CARMIL3: variants seen among roughly 807,000 people sequenced by gnomAD.
CARMIL3 encodes capping protein, Arp2/3 and myosin-I linker protein 3.
A neutral mutation model predicts 180.8 loss-of-function variants in CARMIL3; 88 were observed. The ratio of observed to expected loss-of-function variants is 0.49; its 90% confidence interval spans 0.41 to 0.58. The LOEUF is 0.58. Among genes scored for constraint, CARMIL3 ranks in the 20% least tolerant of loss-of-function variants. CARMIL3 has a pLI of 0.00. For synonymous variants in CARMIL3, 696 were observed against 714.5 expected (o/e 0.97, Z 0.41); for missense variants, 1,548 against 1,787.0 (o/e 0.87, Z 2.41).
rs749485473 is a variant in CARMIL3 at position 24,055,745 on chromosome 14, G to A, written c.726G>A (p.Ser242=). 29 of 1,613,962 alleles carry A rather than the reference G, an allele frequency of 1.8e-5. No individual in the cohort carries two copies. The highest frequency in any genetic ancestry group is 5.0e-5 in the Admixed American group (3 of 60,002). The change falls in exon 10 of 40, where the codon TCG becomes TCA. Residue 242 remains serine, a synonymous_variant. Transcript: ENST00000342740. The part of the protein sequence containing the change: ...LEQVLHTLSK[S]GSLEELVLDN... ...AGGTGCTACATACCCTAAGCAAGTC[G>A]GGGAGCCTCGAAGAGCTGGTGCTGG...
chr14:24,069,078 A>G, intron 38 of CARMIL3, 59 bp from the exon 39 acceptor site: 2 of 1,604,170 alleles, frequency 1.2e-6, no homozygotes, highest in Non-Finnish European at 1.7e-6. Context: ...CACAGCCTGG[A>G]TGAGCATCCC....
chr14:24,057,117 C>T (rs374081744), intron 13 of CARMIL3, 50 bp from the exon 14 acceptor site: 33 of 1,598,966 alleles, frequency 2.1e-5, no homozygotes, highest in South Asian at 1.4e-4. Flanking sequence ...CTGGGGGTGG[C>T]GAGACTCCAT....
intron 31 of CARMIL3, among the ~76,000 whole-genome samples, 143 bp from the exon 32 acceptor site, chr14:24,064,093 CAAAAAAAAAA>C (rs564964326): frequency 3.1e-5 from 2 of 64,180 alleles, no homozygotes; most frequent in Non-Finnish European, 6.3e-5. Flanking sequence ...GACTCCGTCT[CAAAAAAAAAA>C]AAAAAAAAGA....
At position 24,054,640 on chromosome 14, in the gene CARMIL3, A is replaced by C; in HGVS notation, c.363-71A>C. ...CCACTCCTGGTTTTTCCTGGGATGC[A>C]GGAGCTATAACGTGGGAAGAACTGA... On this transcript the variant is annotated intron_variant, in intron 5 of 39. Transcript: ENST00000342740. This position sits in a 1 kb window ranked among gnomAD's most constrained non-coding sequence, Gnocchi z 5.1. 6.5e-7 allele frequency: 1 copy of C among 1,529,106 alleles called. No individual in the cohort carries two copies. Among genetic ancestry groups the C allele is most frequent in the Non-Finnish European group, 9.0e-7 (1 of 1,113,122 alleles). The allele number at this position is 1,529,106 out of a possible 1,614,324, so 94.7% of individuals were successfully genotyped here.
Position 24,068,831 on chromosome 14 carries a change from G to A in CARMIL3, c.3847G>A (p.Val1283Met), listed in dbSNP as rs570686865. Residue 1283 changes from valine (V) to methionine (M), a missense_variant, in exon 38 of 40, where the codon GTG (valine) becomes ATG (methionine). Val to Met is a conservative substitution (Grantham distance 21, BLOSUM62 1). Around this residue, in one of 4 missense-constraint regions of CARMIL3, gnomAD observed 668 missense variants for 687.8 expected, o/e 0.97. Coordinates refer to ENST00000342740, the MANE Select transcript of CARMIL3 (RefSeq NM_138360.4). ...TCCATGGCCTCCCAAGCCAGTGGCT[G>A]TGCCCAGGGGCCGCCAGCCTCCCCA... is the stretch of plus-strand genomic sequence containing the variant. ...LAPWPPKPVAVPRGRQPPQEP... is the reference protein window; with the variant it reads ...LAPWPPKPVAMPRGRQPPQEP... 125 of 1,613,756 alleles carry A rather than the reference G, an allele frequency of 7.7e-5. No homozygotes were observed. In the Middle Eastern group the frequency reaches 1.2e-3, roughly 15 times the overall value.
chr14:24,053,066 A>G (rs1025551444), intron 1 of CARMIL3, among the ~76,000 whole-genome samples: 7 of 151,834 alleles, frequency 4.6e-5, no homozygotes, highest in African/African-American at 1.7e-4. Flanking sequence ...GCGCGTGCAC[A>G]CACACACACA....
Position 24,069,451 on chromosome 14 carries a change from G to A in CARMIL3, c.*47G>A. 6.2e-7 allele frequency: 1 copy of A among 1,613,304 alleles called. No individual in the cohort carries two copies. The highest frequency in any genetic ancestry group is 8.5e-7 in the Non-Finnish European group (1 of 1,179,572). The stretch of plus-strand genomic sequence containing the variant: ...CAGCCCTCGACATGTGCCTCGCAAG[G>A]ACTCAGACCCCTATCCACCCCCAGT... On this transcript the variant is annotated 3_prime_UTR_variant, in exon 40 of 40. Coordinates refer to ENST00000342740, the MANE Select transcript of CARMIL3 (RefSeq NM_138360.4).
Position 24,068,579 on chromosome 14 carries a change from C to A in CARMIL3, c.3683-5C>A. The A allele has an allele frequency of 1.2e-6, 2 of 1,602,116 alleles. No homozygotes were observed. The highest frequency in any genetic ancestry group is 1.7e-6 in the Non-Finnish European group (2 of 1,172,132). On this transcript the variant is annotated splice_region_variant and splice_polypyrimidine_tract_variant and intron_variant, in intron 36 of 39. Transcript: ENST00000342740. ...CCTGCAGCTTCTCCTCTCTCTCATC[C>A]CCAGCTGAAGAGAGTGCCCCCAACC...
chr14:24,066,431 G>T lies in CARMIL3; in HGVS notation c.3559G>T (p.Ala1187Ser). The T allele has an allele frequency of 3.1e-6, 5 of 1,614,204 alleles. No homozygotes were observed. The highest frequency in any genetic ancestry group is 4.2e-6 in the Non-Finnish European group (5 of 1,180,044). The change falls in exon 35 of 40, where the codon GCC (alanine) becomes TCC (serine). Residue 1187 changes from alanine (A) to serine (S), a missense_variant. Coordinates refer to ENST00000342740, the MANE Select transcript of CARMIL3 (RefSeq NM_138360.4). Reference sequence around the variant, plus strand: ...CCCAGACCAGGAGGGCAGCACCCAGGCCTGGCAGAAACGGCGCTCTTCAGA... The same window carrying T: ...CCCAGACCAGGAGGGCAGCACCCAGTCCTGGCAGAAACGGCGCTCTTCAGA... ...PGPDQEGSTQ[A>S]WQKRRSSDDA...
In CARMIL3 at chr14:24,055,150, G is replaced by C. The variant is rs765428390; in HGVS notation, c.531+14G>C. ...GAGGTTCAATGGGTATGTTGGGCAGGGACCCCATAGGGAACAGGTGGGACC... is the reference window on the plus strand; with the variant it reads ...GAGGTTCAATGGGTATGTTGGGCAGCGACCCCATAGGGAACAGGTGGGACC... On this transcript the variant is annotated intron_variant, in intron 7 of 39. Transcript: ENST00000342740. The C allele has an allele frequency of 8.7e-6, 14 of 1,614,082 alleles. No individual in the cohort carries two copies. Among genetic ancestry groups the C allele is most frequent in the Admixed American group, 5.0e-5 (3 of 60,022 alleles).
At position 24,063,463 on chromosome 14, in the gene CARMIL3, A is replaced by G; in HGVS notation, c.2909A>G (p.Lys970Arg). The change falls in exon 31 of 40, where the codon AAA becomes AGA. Residue 970 changes from lysine to arginine, a missense_variant. This residue lies in a region of CARMIL3 where 668 missense variants were observed against 687.8 expected (regional missense o/e 0.97). Transcript: ENST00000342740. ...TCTGAGCTGCCCACTCATGGTTACA[A>G]ACTAAGGCATCAAACACAAGGGAGG... ...GLSELPTHGY[K>R]LRHQTQGRPR... 1.9e-6 allele frequency: 3 copies of G among 1,613,804 alleles called. No individual in the cohort carries two copies. Among genetic ancestry groups the G allele is most frequent in the Non-Finnish European group, 8.5e-7 (1 of 1,179,994 alleles).
In CARMIL3 at chr14:24,066,611, C is replaced by G; in HGVS notation, c.3637C>G (p.Pro1213Ala). 6.2e-7 allele frequency: 1 copy of G among 1,614,236 alleles called. No homozygotes were observed. The highest frequency in any genetic ancestry group is 8.5e-7 in the Non-Finnish European group (1 of 1,180,028). ...CCCACCACCGCCCCAAAGCACCAAACCAAGCTTCAGCGCCATGCGCAGAGC... is the reference window on the plus strand; with the variant it reads ...CCCACCACCGCCCCAAAGCACCAAAGCAAGCTTCAGCGCCATGCGCAGAGC... ...KPPPPPQSTKPSFSAMRRAEA... is the reference protein window; with the variant it reads ...KPPPPPQSTKASFSAMRRAEA... Residue 1213 changes from proline to alanine, a missense_variant, in exon 36 of 40, where the codon CCA becomes GCA. By Grantham distance (27) the Pro-to-Ala change is conservative. Around this residue, in one of 4 missense-constraint regions of CARMIL3, gnomAD observed 668 missense variants for 687.8 expected, o/e 0.97. Transcript: ENST00000342740.
In CARMIL3 at chr14:24,062,782, C is replaced by T. The variant is rs2035744897; in HGVS notation, c.2642C>T (p.Ser881Phe). 1 of 1,613,808 alleles carries T rather than the reference C, an allele frequency of 6.2e-7. No individual in the cohort carries two copies. The highest frequency in any genetic ancestry group is 1.1e-5 in the South Asian group (1 of 91,022). ...CCAGGCCAAGGGCAGGATCTGTCCTCCCGGGGCCGAGGCCGGAACCATGAC... is the reference window on the plus strand; with the variant it reads ...CCAGGCCAAGGGCAGGATCTGTCCTTCCGGGGCCGAGGCCGGAACCATGAC... ...GCPGQGQDLS[S>F]RGRGRNHDHE... Residue 881 changes from serine (S) to phenylalanine (F), a missense_variant, in exon 29 of 40, where the codon TCC becomes TTC. This residue lies in a region of CARMIL3 where 668 missense variants were observed against 687.8 expected (regional missense o/e 0.97). Transcript: ENST00000342740.
chr14:24,066,032 T>C (rs887312650), intron 34 of CARMIL3, among the ~76,000 whole-genome samples: 2 of 152,188 alleles, frequency 1.3e-5, no homozygotes, highest in South Asian at 2.1e-4. Flanking sequence ...GATTATAACC[T>C]TTGCGACTGA....
In CARMIL3 at chr14:24,058,661, C is replaced by A; in HGVS notation, c.1393-19C>A. On this transcript the variant is annotated intron_variant, in intron 17 of 39. Coordinates refer to ENST00000342740, the MANE Select transcript of CARMIL3 (RefSeq NM_138360.4). The surrounding 1 kb of genome is among the most constrained non-coding windows in gnomAD (Gnocchi z 6.4). ...CCCACCCCAACCCCTGCCTTCCCTA[C>A]CTCACCTTGTCCCTGCAGCTCCGTT... The A allele has an allele frequency of 6.2e-7, 1 of 1,611,538 alleles. No homozygotes were observed.
intron 36 of CARMIL3, 90 bp downstream of exon 36, chr14:24,066,746 T>C: frequency 7.3e-7 from 1 of 1,366,698 alleles, no homozygotes. Context: ...CTGGGGAATT[T>C]ATGGCCAAGG....
In CARMIL3 at chr14:24,055,733, C is replaced by T. The variant is rs1325471203; in HGVS notation, c.714C>T (p.Thr238=). ...AAGTGCTAGAACAGGTGCTACATAC[C>T]CTAAGCAAGTCGGGGAGCCTCGAAG... The part of the protein sequence containing the change: ...GSEVLEQVLH[T]LSKSGSLEEL... The change falls in exon 10 of 40, where the codon ACC becomes ACT. Residue 238 remains threonine, a synonymous_variant. Transcript: ENST00000342740. 7 of 1,613,982 alleles carry T rather than the reference C, an allele frequency of 4.3e-6. No homozygotes were observed. Among genetic ancestry groups the T allele is most frequent in the Non-Finnish European group, 5.9e-6 (7 of 1,180,012 alleles).
chr14:24,056,572 C>G, intron 11 of CARMIL3, 50 bp from the exon 12 acceptor site: 10 of 1,582,552 alleles, frequency 6.3e-6, no homozygotes, highest in Non-Finnish European at 8.7e-6. Flanking sequence ...GTGCCACCTG[C>G]ACCCACTGCC....
At position 24,066,733 on chromosome 14, in the gene CARMIL3, G is replaced by C. The variant is rs931008834; in HGVS notation, c.3682+77G>C. Reference sequence around the variant, plus strand: ...AAAGAAACAGAAGCCCATGGCCCCTGTGCTGGGGAATTTATGGCCAAGGTG... The same window carrying C: ...AAAGAAACAGAAGCCCATGGCCCCTCTGCTGGGGAATTTATGGCCAAGGTG... On this transcript the variant is annotated intron_variant, in intron 36 of 39. Transcript: ENST00000342740. 9 of 1,480,130 alleles carry C rather than the reference G, an allele frequency of 6.1e-6. No homozygotes were observed. In the Admixed American group the frequency reaches 1.4e-4, roughly 23 times the overall value. The allele number at this position is 1,480,130 out of a possible 1,614,324, so 91.7% of individuals were successfully genotyped here.
Sources: allele counts gnomAD v4.1 joint callset (sites outside exome capture counted in the v4.1 genomes callset), GRCh38; gene constraint gnomAD v4.1.1; regional missense constraint gnomAD v4.1.1; non-coding constraint Gnocchi (gnomAD v3.1); transcripts MANE v1.5; gene names NCBI Gene and HGNC (gene_info 2026-07-23, HGNC 2026-07-21).